Variants in GCFC2 observed in about 807,000 individuals in gnomAD.
The protein encoded by GCFC2 is GC-rich sequence DNA-binding factor 2, also known as intron Large complex component GCFC2.
Under a neutral mutation model 99.4 loss-of-function variants are expected in GCFC2, and 102 were observed. The observed-to-expected ratio is 1.03, with a 90% CI of 0.87 to 1.21. The LOEUF is 1.21. GCFC2 is among the 50% of genes most tolerant of loss of function. The pLI, the probability that GCFC2 is intolerant of heterozygous loss-of-function variation, is 0.00. For missense variants in GCFC2, 973 were observed against 920.9 expected (o/e 1.06, Z -0.73); for synonymous variants, 338 against 316.8 (o/e 1.07, Z -0.71).
At chr2:75,702,968 C>T (rs747952571) in intron 2 of GCFC2, among the ~76,000 whole-genome samples, 9 of 152,176 alleles carry the variant, frequency 5.9e-5, no homozygotes, top group African/African-American at 1.7e-4. Flanking sequence ...TTAGCCTCTG[C>T]GGTTCTGTAG....
intron 1 of GCFC2, 129 bp downstream of exon 1, chr2:75,710,462 T>G: frequency 7.3e-7 from 1 of 1,374,972 alleles, no homozygotes; most frequent in Non-Finnish European, 9.3e-7. Context: ...TAAGTCTTTC[T>G]GGATAAGACT....
rs1678669430 is a variant in GCFC2, at chr2:75,662,924, A to C, written c.*1742T>G. ...TTACGTAAAAAAAAAAAAAAAACCC[A>C]AAACTATGTACACATAGAAACACGT... On this transcript the variant is annotated 3_prime_UTR_variant, in exon 17 of 17. Coordinates refer to ENST00000321027, the MANE Select transcript of GCFC2 (RefSeq NM_003203.5). 6.6e-6 allele frequency: 1 copy of C among 150,452 alleles called. No individual in the cohort carries two copies. Among genetic ancestry groups the C allele is most frequent in the Non-Finnish European group, 1.5e-5 (1 of 67,740 alleles). The allele number at this position is 150,452 out of a possible 1,614,324, so 9.3% of individuals were successfully genotyped here.
chr2:75,704,246 T>C (rs1358936820), intron 2 of GCFC2, among the ~76,000 whole-genome samples: 1 of 152,198 alleles, frequency 6.6e-6, no homozygotes, highest in East Asian at 1.9e-4. Flanking sequence ...GGCTGAGAGG[T>C]AAATTATCAT....
chr2:75,666,125 T>C, intron 15 of GCFC2, 72 bp from the exon 16 acceptor site: 1 of 1,146,584 alleles, frequency 8.7e-7, no homozygotes, highest in Non-Finnish European at 1.2e-6. Context: ...AATCTCATAG[T>C]GATACTGTAA....
chr2:75,683,793 G>GA (rs1679691835), intron 11 of GCFC2, among the ~76,000 whole-genome samples: 1 of 109,368 alleles, frequency 9.1e-6, no homozygotes, highest in Non-Finnish European at 1.9e-5. Context: ...AAAAAAAAAA[G>GA]AAAAAAGAAA....
intron 12 of GCFC2, among the ~76,000 whole-genome samples, chr2:75,675,071 C>G (rs1679277123): frequency 6.6e-6 from 1 of 152,088 alleles, no homozygotes; most frequent in Admixed American, 6.5e-5. Context: ...CTGGCCTTGA[C>G]AAATGTTCCC....
At chr2:75,700,588 T>C (rs1249346862) in intron 4 of GCFC2, among the ~76,000 whole-genome samples, 1 of 152,182 alleles carries the variant, frequency 6.6e-6, no homozygotes, top group Non-Finnish European at 1.5e-5. Context: ...AAGTAAAGCT[T>C]GAGGGCTAAA....
rs566442141 is a variant in GCFC2, at chr2:75,673,126, T to C, written c.1889+318A>G. On this transcript the variant is annotated intron_variant, in intron 13 of 16. Coordinates refer to ENST00000321027, the MANE Select transcript of GCFC2 (RefSeq NM_003203.5). ...GAGATCGAGACCATCCTGGCTAACA[T>C]GGTGAAACCCCATCTCTACTAAATA... 3.0e-3 allele frequency among the ~76,000 whole-genome samples: 462 copies of C among 151,860 alleles called. 3 individuals carry two copies. Among genetic ancestry groups the C allele is most frequent in the Middle Eastern group, 0.017 (5 of 288 alleles).
chr2:75,701,705 T>C, intron 3 of GCFC2: 1 of 238,262 alleles, frequency 4.2e-6, no homozygotes, highest in Non-Finnish European at 6.9e-6. Context: ...AGTCCTTTTC[T>C]GAAAAAAATA....
Position 75,664,127 on chromosome 2 carries a change from G to T in GCFC2, c.*539C>A, listed in dbSNP as rs1678725311. 1 of 152,058 alleles carries T rather than the reference G, an allele frequency of 6.6e-6. No individual in the cohort carries two copies. Among genetic ancestry groups the T allele is most frequent in the African/African-American group, 2.4e-5 (1 of 41,394 alleles). 9.4% of individuals were successfully genotyped at this position (152,058 alleles called of 1,614,324 possible). ...AAAGGATAATAACTACTGCTGGTAG[G>T]GATTCATTGGCACTCACTTATGCTT... On this transcript the variant is annotated 3_prime_UTR_variant, in exon 17 of 17. Coordinates refer to ENST00000321027, the MANE Select transcript of GCFC2 (RefSeq NM_003203.5).
rs114554004 is a variant in GCFC2 at position 75,686,703 on chromosome 2, C to T, written c.1690+1124G>A. Among the ~76,000 whole-genome samples the T allele has an allele frequency of 4.8e-3, 735 of 152,222 alleles. 5 individuals carry two copies. Among genetic ancestry groups the T allele is most frequent in the African/African-American group, 0.017 (698 of 41,534 alleles). On this transcript the variant is annotated intron_variant, in intron 11 of 16. Coordinates refer to ENST00000321027, the MANE Select transcript of GCFC2 (RefSeq NM_003203.5). ...AGACTGACTTGAGCAATGTTCACAC[C>T]ACTGTACTCCAGTCTGGGTGACAGA...
upstream of GCFC2, among the ~76,000 whole-genome samples, chr2:75,711,859 C>T (rs1573106718): frequency 1.3e-5 from 2 of 152,242 alleles, no homozygotes; most frequent in South Asian, 4.1e-4. Context: ...GCCTCCCATC[C>T]ACTCCATGGG....
intron 6 of GCFC2, 48 bp downstream of exon 6, chr2:75,694,193 G>C (rs752515983): frequency 2.0e-6 from 1 of 502,202 alleles, no homozygotes; most frequent in Non-Finnish European, 3.6e-6. Flanking sequence ...ATTGCACAAG[G>C]GGTTTTCTCC....
Position 75,706,627 on chromosome 2 carries a change from G to A in GCFC2, c.290C>T (p.Thr97Ile). 1 of 1,592,860 alleles carries A rather than the reference G, an allele frequency of 6.3e-7. No individual in the cohort carries two copies. The highest frequency in any genetic ancestry group is 1.1e-5 in the South Asian group (1 of 90,062). ...GTGATGTATTTTATCCTCTTCATCTGTGGACACATCAAGGGTTCTGGATTC... is the reference window on the plus strand; with the variant it reads ...GTGATGTATTTTATCCTCTTCATCTATGGACACATCAAGGGTTCTGGATTC... ...GSESRTLDVS[T>I]DEEDKIHHSS... The change falls in exon 2 of 17, where the codon ACA (threonine) becomes ATA (isoleucine). Residue 97 changes from threonine (T) to isoleucine (I), a missense_variant. Physicochemically the swap from Thr to Ile is moderately conservative, Grantham distance 89. Coordinates refer to ENST00000321027, the MANE Select transcript of GCFC2 (RefSeq NM_003203.5).
intron 2 of GCFC2, among the ~76,000 whole-genome samples, chr2:75,705,688 T>C (rs1327749149): frequency 6.6e-6 from 1 of 151,898 alleles, no homozygotes. Context: ...AAATATATTT[T>C]AATAATTTTA....
intron 3 of GCFC2, 174 bp downstream of exon 3, chr2:75,702,025 A>G: frequency 7.1e-7 from 1 of 1,409,962 alleles, no homozygotes; most frequent in Non-Finnish European, 9.2e-7. Flanking sequence ...TGATAATAAC[A>G]TTTTGATACA....
chr2:75,710,700 C>T lies in GCFC2; in HGVS notation c.156G>A (p.Ala52=), dbSNP rs112361215. 2 of 1,532,230 alleles carry T rather than the reference C, an allele frequency of 1.3e-6. No individual in the cohort carries two copies. Among genetic ancestry groups the T allele is most frequent in the South Asian group, 1.2e-5 (1 of 82,912 alleles). The allele number at this position is 1,532,230 out of a possible 1,614,324, so 94.9% of individuals were successfully genotyped here. A position where few individuals can be genotyped will look rare whatever the true frequency, so the allele number is the denominator to read the frequency against. The change falls in exon 1 of 17, where the codon GCG becomes GCA. Residue 52 remains alanine (A), a synonymous_variant. Coordinates refer to ENST00000321027, the MANE Select transcript of GCFC2 (RefSeq NM_003203.5). ...CCCGGTGGGGCAGTCCCGCCACCTG[C>T]GCGCGGCCTCCTCCAGAGGGCGGCT... The part of the protein sequence containing the change: ...EEEPPSGGGR[A]QVAGLPHRVR...
intron 12 of GCFC2, among the ~76,000 whole-genome samples, chr2:75,675,753 A>AAC (rs1167536230): frequency 5.3e-5 from 8 of 151,472 alleles, no homozygotes; most frequent in South Asian, 2.1e-4. Flanking sequence ...AAAAAAAAAA[A>AAC]AAAAACAAAA....
chr2:75,704,384 C>T (rs932359810), intron 2 of GCFC2, among the ~76,000 whole-genome samples: 3 of 152,194 alleles, frequency 2.0e-5, no homozygotes, highest in African/African-American at 4.8e-5. Flanking sequence ...ATCTTTTCTT[C>T]GCCAGCCAAT....
Sources: allele counts gnomAD v4.1 joint callset (sites outside exome capture counted in the v4.1 genomes callset), GRCh38; gene constraint gnomAD v4.1.1; transcripts MANE v1.5; gene names NCBI Gene and HGNC (gene_info 2026-07-23, HGNC 2026-07-21).